Variants in ZNF225 observed in about 807,000 individuals in gnomAD.
The protein encoded by ZNF225 is zinc finger protein 225.
In ZNF225, 6 loss-of-function variants were observed where a neutral mutation model predicts 12.0. That is an observed-to-expected ratio of 0.50 (90% CI 0.27 to 0.98). The LOEUF is 0.98. Ranked by LOEUF, ZNF225 falls within the 50% of genes least tolerant of loss-of-function variation. The pLI is 0.11. For synonymous variants in ZNF225, 271 were observed against 283.2 expected (o/e 0.96, Z 0.43); for missense variants, 763 against 848.2 (o/e 0.90, Z 1.25).
At position 44,118,546 on chromosome 19, in the gene ZNF225, G is replaced by A; in HGVS notation, c.207G>A (p.Glu69=). Residue 69 remains glutamate (E), a synonymous_variant, in exon 4 of 5, where the codon GAG becomes GAA. Coordinates refer to ENST00000262894, the MANE Select transcript of ZNF225 (RefSeq NM_013362.4). The part of the protein sequence containing the change: ...FLKEEKFWMM[E]TATQREGNLG... ...AGGAAGAAAAGTTTTGGATGATGGA[G>A]ACAGCAACCCAAAGAGAAGGGAATT... 1 of 1,613,110 alleles carries A rather than the reference G, an allele frequency of 6.2e-7. No homozygotes were observed. The highest frequency in any genetic ancestry group is 1.1e-5 in the South Asian group (1 of 91,060).
intron 1 of ZNF225, chr19:44,114,218 G>C: frequency 9.9e-7 from 1 of 1,008,496 alleles, no homozygotes; most frequent in South Asian, 1.3e-5. Flanking sequence ...CTCTACGTGA[G>C]TGATCCTTGG....
intron 4 of ZNF225, among the ~76,000 whole-genome samples, chr19:44,118,797 C>T (rs928154560): frequency 2.0e-5 from 3 of 151,834 alleles, no homozygotes; most frequent in African/African-American, 4.8e-5. Context: ...TGCCATTCCT[C>T]GGCTCAAAAG....
upstream of ZNF225, chr19:44,112,752 C>T (rs1294968794): frequency 6.6e-6 from 1 of 152,206 alleles, no homozygotes; most frequent in Non-Finnish European, 1.5e-5. Flanking sequence ...GGAAAATATG[C>T]ACGGATGTTC....
At position 44,131,763 on chromosome 19, in the gene ZNF225, G is replaced by C; in HGVS notation, c.1149G>C (p.Trp383Cys). The C allele has an allele frequency of 6.2e-7, 1 of 1,614,182 alleles. No individual in the cohort carries two copies. Among genetic ancestry groups the C allele is most frequent in the East Asian group, 2.2e-5 (1 of 44,888 alleles). ...AAGAATGTGGAAAGAGCTTCAGATG[G>C]GCCTCAGGTCTTTCAAGACATGTGC... is the stretch of plus-strand genomic sequence containing the variant. ...NCKECGKSFR[W>C]ASGLSRHVRV... The change falls in exon 5 of 5, where the codon TGG becomes TGC. Residue 383 changes from tryptophan to cysteine, a missense_variant. Physicochemically the swap from Trp to Cys is radical, Grantham distance 215 (BLOSUM62 -2). Transcript: ENST00000262894.
intron 1 of ZNF225, among the ~76,000 whole-genome samples, chr19:44,115,371 A>C (rs1425293938): frequency 1.3e-5 from 2 of 152,202 alleles, no homozygotes; most frequent in Non-Finnish European, 2.9e-5. Context: ...GTCACCTCAA[A>C]TATGCAGAGA....
intron 2 of ZNF225, among the ~76,000 whole-genome samples, chr19:44,117,134 G>T (rs949220224): frequency 3.3e-5 from 5 of 152,180 alleles, no homozygotes; most frequent in African/African-American, 9.7e-5. Flanking sequence ...TAAAAAGCTA[G>T]TGTTTATTAG....
At chr19:44,112,198 A>C (rs1266923654), upstream of ZNF225, 3 of 152,184 alleles carry the variant, frequency 2.0e-5, no homozygotes, top group African/African-American at 7.2e-5. Flanking sequence ...TAGGCTTCCC[A>C]GTTGATTGGC....
rs750413046 is a variant in ZNF225 at position 44,118,594 on chromosome 19, G to C, written c.235+20G>C. ...ATTTAGGTAAGAAGCAAGCAACTCT[G>C]TGTCCTTGTGCGTGACTCTCCCATC... On this transcript the variant is annotated intron_variant, in intron 4 of 4. Coordinates refer to ENST00000262894, the MANE Select transcript of ZNF225 (RefSeq NM_013362.4). 1.9e-5 allele frequency: 30 copies of C among 1,604,436 alleles called. No homozygotes were observed. The South Asian group carries it at 3.3e-4, about 18-fold the overall frequency.
intron 4 of ZNF225, among the ~76,000 whole-genome samples, chr19:44,122,479 G>A (rs184282133): frequency 2.0e-5 from 3 of 152,148 alleles, no homozygotes; most frequent in African/African-American, 7.2e-5. Context: ...TTGGCTCTGC[G>A]AGCTCTTTTT....
rs188457208 is a variant in ZNF225, at chr19:44,127,608, G to T, written c.236-3242G>T. Among the ~76,000 whole-genome samples the T allele has an allele frequency of 5.3e-4, 81 of 152,114 alleles. No homozygotes were observed. In the East Asian group the frequency reaches 0.011, roughly 21 times the overall value. On this transcript the variant is annotated intron_variant, in intron 4 of 4. Transcript: ENST00000262894. ...CTTTTTGTAGGGAGAATATTCATCC[G>T]TGGAAAGAAACCTTTTATTTTATTT... is the stretch of plus-strand genomic sequence containing the variant.
intron 2 of ZNF225, among the ~76,000 whole-genome samples, 163 bp from the exon 3 acceptor site, chr19:44,118,017 AAAATAAAT>A (rs1037001400): frequency 5.9e-5 from 9 of 152,120 alleles, no homozygotes; most frequent in Non-Finnish European, 1.2e-4. Flanking sequence ...AGACTGTCTC[AAAATAAAT>A]AAATAAATAA....
intron 1 of ZNF225, chr19:44,114,155 C>T (rs768762176): frequency 1.1e-6 from 1 of 943,470 alleles, no homozygotes; most frequent in Admixed American, 2.2e-5. Context: ...TTACCCAGCC[C>T]GACCTTTCCA....
rs766456169 is a variant in ZNF225, at chr19:44,131,772, T to A, written c.1158T>A (p.Gly386=). ...ECGKSFRWAS[G]LSRHVRVHSG... is the part of the protein sequence containing the mutation. ...GAAAGAGCTTCAGATGGGCCTCAGG[T>A]CTTTCAAGACATGTGCGAGTCCACA... is the stretch of plus-strand genomic sequence containing the variant. The change falls in exon 5 of 5, where the codon GGT becomes GGA. Residue 386 remains glycine (G), a synonymous_variant. Coordinates refer to ENST00000262894, the MANE Select transcript of ZNF225 (RefSeq NM_013362.4). The A allele has an allele frequency of 1.9e-6, 3 of 1,614,080 alleles. No individual in the cohort carries two copies. The highest frequency in any genetic ancestry group is 2.7e-5 in the African/African-American group (2 of 74,934).
chr19:44,121,368 C>G (rs894963443), intron 4 of ZNF225, among the ~76,000 whole-genome samples: 1 of 152,134 alleles, frequency 6.6e-6, no homozygotes, highest in Non-Finnish European at 1.5e-5. Flanking sequence ...GTATATAATA[C>G]CACAGTTTTC....
At chr19:44,112,471 T>A (rs1967851893), upstream of ZNF225, among the ~76,000 whole-genome samples, 1 of 152,230 alleles carries the variant, frequency 6.6e-6, no homozygotes, top group African/African-American at 2.4e-5. Context: ...TCGTACTAGA[T>A]GCCATTGCCA....
In ZNF225 at chr19:44,132,358, A is replaced by G. The variant is rs766970171; in HGVS notation, c.1744A>G (p.Ser582Gly). ...ECGKSFSRASSILNHKRLHGD... is the reference protein window; with the variant it reads ...ECGKSFSRASGILNHKRLHGD... ...TGGGAAGAGCTTTAGCCGGGCCTCAAGTATTTTGAATCATAAGAGACTCCA... is the reference window on the plus strand; with the variant it reads ...TGGGAAGAGCTTTAGCCGGGCCTCAGGTATTTTGAATCATAAGAGACTCCA... Residue 582 changes from serine to glycine, a missense_variant, in exon 5 of 5, where the codon AGT becomes GGT. Ser to Gly is a moderately conservative substitution (Grantham distance 56). Transcript: ENST00000262894. 3.1e-6 allele frequency: 5 copies of G among 1,614,004 alleles called. No homozygotes were observed. The East Asian group carries it at 6.7e-5, about 22-fold the overall frequency.
chr19:44,126,897 C>G (rs1025984508), intron 4 of ZNF225, among the ~76,000 whole-genome samples: 1 of 152,222 alleles, frequency 6.6e-6, no homozygotes, highest in Non-Finnish European at 1.5e-5. Flanking sequence ...CATGCCCCCA[C>G]TAACAGCCCT....
In ZNF225 at chr19:44,133,610, G is replaced by C. The variant is rs1186173581; in HGVS notation, c.*875G>C. The C allele has an allele frequency of 6.6e-6, 1 of 152,088 alleles. No individual in the cohort carries two copies. Among genetic ancestry groups the C allele is most frequent in the African/African-American group, 2.4e-5 (1 of 41,394 alleles). 9.4% of individuals were successfully genotyped at this position (152,088 alleles called of 1,614,324 possible). On this transcript the variant is annotated 3_prime_UTR_variant, in exon 5 of 5. Transcript: ENST00000262894. ...ATCAACAAAGATTCTTTTAAGAAAA[G>C]GTGTGTATGGGTAGGGAACAATAGC...
chr19:44,122,179 G>A (rs1968068493), intron 4 of ZNF225, among the ~76,000 whole-genome samples: 1 of 152,160 alleles, frequency 6.6e-6, no homozygotes, highest in South Asian at 2.1e-4. Context: ...TGTATAAGGT[G>A]AGGGATGAAG....
Sources: allele counts gnomAD v4.1 joint callset (sites outside exome capture counted in the v4.1 genomes callset), GRCh38; gene constraint gnomAD v4.1.1; transcripts MANE v1.5; gene names NCBI Gene and HGNC (gene_info 2026-07-23, HGNC 2026-07-21).